Variants in DENND6B observed in about 807,000 individuals in gnomAD.
DENND6B encodes the protein protein DENND6B.
In DENND6B, 73 loss-of-function variants were observed where a neutral mutation model predicts 85.1. The ratio of observed to expected loss-of-function variants is 0.86; its 90% CI spans 0.71 to 1.04. The LOEUF is 1.04. Among genes scored for constraint, DENND6B ranks in the 50% least tolerant of loss-of-function variants. DENND6B has a pLI of 0.00. For synonymous variants in DENND6B, 357 were observed against 329.3 expected (o/e 1.08, Z -0.91); for missense variants, 715 against 785.8 (o/e 0.91, Z 1.08).
Position 50,311,011 on chromosome 22 carries a change from C to T in DENND6B, c.*1128G>A, listed in dbSNP as rs1411938713. 8 of 152,258 alleles carry T rather than the reference C, an allele frequency of 5.3e-5. No homozygotes were observed. The highest frequency in any genetic ancestry group is 1.9e-4 in the African/African-American group (8 of 41,444). The allele number at this position is 152,258 out of a possible 1,614,324, so 9.4% of individuals were successfully genotyped here. On this transcript the variant is annotated 3_prime_UTR_variant, in exon 20 of 20. Coordinates refer to ENST00000413817, the MANE Select transcript of DENND6B (RefSeq NM_001001794.4). ...CCCCTGGCCAGCACCCGCCCGGCCTCACAGGGTACAAAGCCCAGTCTCCAT... is the reference window on the plus strand; with the variant it reads ...CCCCTGGCCAGCACCCGCCCGGCCTTACAGGGTACAAAGCCCAGTCTCCAT...
chr22:50,316,676 T>C (rs796310971), intron 5 of DENND6B: 2 of 1,496,642 alleles, frequency 1.3e-6, no homozygotes, highest in African/African-American at 2.8e-5. Context: ...AACACTGAAC[T>C]CCCTGGGTGG....
intron 1 of DENND6B, among the ~76,000 whole-genome samples, chr22:50,324,783 T>G (rs2042146780): frequency 6.6e-6 from 1 of 152,206 alleles, no homozygotes; most frequent in Non-Finnish European, 1.5e-5. Context: ...TTGCTTATGT[T>G]GGCATTTTGG....
At chr22:50,316,590 T>G (rs1257503034) in intron 5 of DENND6B, 115 bp from the exon 6 acceptor site, 4 of 1,541,612 alleles carry the variant, frequency 2.6e-6, no homozygotes, top group Non-Finnish European at 3.5e-6. Context: ...GGGTAGCACG[T>G]CCCACCAACT....
chr22:50,314,104 G>A (rs1055167304), intron 13 of DENND6B, 103 bp downstream of exon 13: 34 of 1,398,972 alleles, frequency 2.4e-5, no homozygotes, highest in Non-Finnish European at 2.9e-5. Flanking sequence ...TCCTGGAAGA[G>A]GATCAGGGGT....
rs775280035 is a variant in DENND6B, at chr22:50,311,220, C to T, written c.*919G>A. On this transcript the variant is annotated 3_prime_UTR_variant, in exon 20 of 20. Coordinates refer to ENST00000413817, the MANE Select transcript of DENND6B (RefSeq NM_001001794.4). The stretch of plus-strand genomic sequence containing the variant: ...GTGCTGTGCAGGGTCAACACCGTAC[C>T]TCACCGGCCTCAGTGCCTGCAGGTG... 1 of 152,228 alleles carries T rather than the reference C, an allele frequency of 6.6e-6. No individual in the cohort carries two copies. Among genetic ancestry groups the T allele is most frequent in the South Asian group, 2.1e-4 (1 of 4,814 alleles). The allele number at this position is 152,228 out of a possible 1,614,324, so 9.4% of individuals were successfully genotyped here.
At chr22:50,317,194 G>T (rs931750706) in intron 5 of DENND6B, 99 bp downstream of exon 5, 1 of 1,336,760 alleles carries the variant, frequency 7.5e-7, no homozygotes, top group Non-Finnish European at 1.0e-6. Context: ...GGTGGGCACT[G>T]CTGGAGGCTC....
chr22:50,313,927 C>T, intron 13 of DENND6B, 49 bp from the exon 14 acceptor site: 1 of 1,552,586 alleles, frequency 6.4e-7, no homozygotes, highest in Non-Finnish European at 8.7e-7. Flanking sequence ...GCCTCCCTCC[C>T]ACACTCCTGC....
At chr22:50,315,180 G>A (rs916814919) in intron 9 of DENND6B, 26 of 514,300 alleles carry the variant, frequency 5.1e-5, no homozygotes, top group Admixed American at 4.1e-4. Context: ...CAGCCATCCC[G>A]AAGTGGCCCC....
chr22:50,322,223 C>T (rs893084577), intron 1 of DENND6B, among the ~76,000 whole-genome samples: 9 of 151,892 alleles, frequency 5.9e-5, no homozygotes, highest in African/African-American at 1.2e-4. Flanking sequence ...TACAGGCGCC[C>T]GCCACCATGC....
rs372148129 is a variant in DENND6B, at chr22:50,310,186, C to T, written c.*1953G>A. ...TGGGGAGGCTGGTCCCCCTGTGCTACAGTCAGGAGGCCCAAGCTGCATTTG... is the reference window on the plus strand; with the variant it reads ...TGGGGAGGCTGGTCCCCCTGTGCTATAGTCAGGAGGCCCAAGCTGCATTTG... On this transcript the variant is annotated 3_prime_UTR_variant, in exon 20 of 20. Coordinates refer to ENST00000413817, the MANE Select transcript of DENND6B (RefSeq NM_001001794.4). 6.6e-6 allele frequency: 1 copy of T among 152,280 alleles called. No individual in the cohort carries two copies. Among genetic ancestry groups the T allele is most frequent in the Non-Finnish European group, 1.5e-5 (1 of 68,064 alleles). The allele number at this position is 152,280 out of a possible 1,614,324, so 9.4% of individuals were successfully genotyped here.
chr22:50,311,935 C>T lies in DENND6B; in HGVS notation c.*204G>A, dbSNP rs1304361266. On this transcript the variant is annotated 3_prime_UTR_variant, in exon 20 of 20. Coordinates refer to ENST00000413817, the MANE Select transcript of DENND6B (RefSeq NM_001001794.4). ...CCAGGAGGAGGCAAGGCTCTGCCTGCGAGGAACCCCTATGGTCAAGGCCAT... is the reference window on the plus strand; with the variant it reads ...CCAGGAGGAGGCAAGGCTCTGCCTGTGAGGAACCCCTATGGTCAAGGCCAT... 8.0e-6 allele frequency: 7 copies of T among 879,750 alleles called. No individual in the cohort carries two copies. The highest frequency in any genetic ancestry group is 3.6e-4 in the Middle Eastern group (1 of 2,794). 54.5% of individuals were successfully genotyped at this position (879,750 alleles called of 1,614,324 possible). A position where few individuals can be genotyped will look rare whatever the true frequency, so the allele number is the denominator to read the frequency against.
In DENND6B at chr22:50,326,855, A is replaced by G. The variant is rs2042203352; in HGVS notation, c.134T>C (p.Val45Ala). Reference sequence around the variant, plus strand: ...CTCCAGGTCGAAGGTGACCACGCACACACACTCCAGCCAGGCGGAGAAGCG... The same window carrying G: ...CTCCAGGTCGAAGGTGACCACGCACGCACACTCCAGCCAGGCGGAGAAGCG... ...WARFSAWLEC[V>A]CVVTFDLELG... Residue 45 changes from valine to alanine, a missense_variant, in exon 1 of 20, where the codon GTG becomes GCG. By Grantham distance (64) the Val-to-Ala change is moderately conservative (BLOSUM62 0). Coordinates refer to ENST00000413817, the MANE Select transcript of DENND6B (RefSeq NM_001001794.4). 1.4e-6 allele frequency: 2 copies of G among 1,442,772 alleles called. No homozygotes were observed. Among genetic ancestry groups the G allele is most frequent in the South Asian group, 1.3e-5 (1 of 74,812 alleles). The allele number at this position is 1,442,772 out of a possible 1,614,324, so 89.4% of individuals were successfully genotyped here.
rs780005592 is a variant in DENND6B at position 50,312,412 on chromosome 22, G to C, written c.1566C>G (p.Ile522Met). ...LHLEAICEAN[I>M]ETWMKDKSEV... Reference sequence around the variant, plus strand: ...CGGACTTGTCTTTCATCCAGGTCTCGATGTTCTGCAGGGCAAGACGGGGTC... The same window carrying C: ...CGGACTTGTCTTTCATCCAGGTCTCCATGTTCTGCAGGGCAAGACGGGGTC... The change falls in exon 19 of 20, where the codon ATC (isoleucine) becomes ATG (methionine). Residue 522 changes from isoleucine to methionine, a missense_variant. Transcript: ENST00000413817. 5 of 1,610,634 alleles carry C rather than the reference G, an allele frequency of 3.1e-6. No individual in the cohort carries two copies. Among genetic ancestry groups the C allele is most frequent in the Non-Finnish European group, 4.2e-6 (5 of 1,178,944 alleles).
At position 50,310,599 on chromosome 22, in the gene DENND6B, TGC is replaced by T. The variant is rs1381002600; in HGVS notation, c.*1538_*1539del. 5.9e-5 allele frequency: 9 copies of T among 152,188 alleles called. No individual in the cohort carries two copies. Among genetic ancestry groups the T allele is most frequent in the Non-Finnish European group, 1.3e-4 (9 of 68,048 alleles). 9.4% of individuals were successfully genotyped at this position (152,188 alleles called of 1,614,324 possible). A position where few individuals can be genotyped will look rare whatever the true frequency, so the allele number is the denominator to read the frequency against. ...ACCAATGAGAACACAAACAGTACGTTGCGCTGAATGAAGGCTACATTCCTCGG... is the reference window on the plus strand; with the variant it reads ...ACCAATGAGAACACAAACAGTACGTTGCTGAATGAAGGCTACATTCCTCGG... On this transcript the variant is annotated 3_prime_UTR_variant, in exon 20 of 20. Transcript: ENST00000413817.
At position 50,313,704 on chromosome 22, in the gene DENND6B, C is replaced by T. The variant is rs137921722; in HGVS notation, c.1224G>A (p.Pro408=). 6,737 of 1,601,244 alleles carry T rather than the reference C, an allele frequency of 4.2e-3. 271 individuals are homozygous for T. The Admixed American group carries it at 0.085, about 20-fold the overall frequency. Residue 408 remains proline, a synonymous_variant, in exon 15 of 20, where the codon CCG becomes CCA. Transcript: ENST00000413817. ...GCAGCAGGGCGCTCTGCACATCTGACGGCCGCTTCTTCTGCACGCCCTGCA... is the reference window on the plus strand; with the variant it reads ...GCAGCAGGGCGCTCTGCACATCTGATGGCCGCTTCTTCTGCACGCCCTGCA... ...RLLKGVQKKR[P]SDVQSALLRR...
intron 4 of DENND6B, among the ~76,000 whole-genome samples, chr22:50,317,644 C>T (rs937333640): frequency 5.3e-5 from 8 of 152,064 alleles, no homozygotes; most frequent in Non-Finnish European, 1.2e-4. Context: ...CCTGGGAGGG[C>T]CCCTGTTCAA....
intron 1 of DENND6B, chr22:50,319,581 C>G (rs1286920395): frequency 2.1e-6 from 2 of 932,498 alleles, no homozygotes; most frequent in Non-Finnish European, 2.6e-6. Flanking sequence ...CCCTCCATCT[C>G]CCTCACCACC....
chr22:50,318,163 T>C, intron 3 of DENND6B, 143 bp from the exon 4 acceptor site: 2 of 758,340 alleles, frequency 2.6e-6, no homozygotes, highest in Non-Finnish European at 4.1e-6. Context: ...GCTAACACAG[T>C]GAAACCCCGT....
At chr22:50,322,385 A>G (rs962372467) in intron 1 of DENND6B, among the ~76,000 whole-genome samples, 6 of 150,408 alleles carry the variant, frequency 4.0e-5, no homozygotes, top group Admixed American at 2.6e-4. Flanking sequence ...ATAATTTTTA[A>G]AACTACAAAA....
Sources: gnomAD v4.1 joint callset for allele counts (sites outside exome capture counted in the v4.1 genomes callset) on GRCh38, gnomAD v4.1.1 for gene constraint, MANE v1.5 for transcripts, NCBI Gene and HGNC (gene_info 2026-07-23, HGNC 2026-07-21) for gene names.